KIRREL3: variants seen among roughly 807,000 people sequenced by gnomAD.
The protein encoded by KIRREL3 is kin of IRRE-like protein 3.
A neutral mutation model predicts 89.7 loss-of-function variants in KIRREL3; 36 were observed. That is an observed-to-expected ratio of 0.40 (90% confidence interval 0.31 to 0.53). The LOEUF is 0.53. Ranked by LOEUF, KIRREL3 falls within the 20% of genes least tolerant of loss-of-function variation. The pLI is 0.49. For missense variants in KIRREL3, 864 were observed against 1,056.6 expected (o/e 0.82, Z 2.53); for synonymous variants, 445 against 441.4 (o/e 1.01, Z -0.10).
At chr11:126,559,829 C>T (rs1200152850) in intron 2 of KIRREL3, among the ~76,000 whole-genome samples, 2 of 151,426 alleles carry the variant, frequency 1.3e-5, no homozygotes, top group Non-Finnish European at 3.0e-5. Context: ...ACCACCAACC[C>T]TGGCTGATTA....
At chr11:126,449,231 C>G in intron 7 of KIRREL3, 74 bp from the exon 8 acceptor site, 2 of 1,544,792 alleles carry the variant, frequency 1.3e-6, no homozygotes, top group East Asian at 2.3e-5. Context: ...ACACATCCAT[C>G]CCATGGAAAA....
rs953639663 is a variant in KIRREL3, at chr11:126,576,986, A to T, written c.56-14074T>A. On this transcript the variant is annotated intron_variant, in intron 1 of 16. Transcript: ENST00000525144. The surrounding 1 kb of genome is among the most constrained non-coding windows in gnomAD (Gnocchi z 5.4). ...CTCATATGAGAAAACTGAGGCTGAG[A>T]GAGGCTCAAGGGCTCCCATAACTGA... Among the ~76,000 whole-genome samples, 3 of 152,138 alleles carry T rather than the reference A, an allele frequency of 2.0e-5. No homozygotes were observed. The highest frequency in any genetic ancestry group is 4.4e-5 in the Non-Finnish European group (3 of 68,022).
chr11:126,809,771 C>T (rs1017270909), intron 1 of KIRREL3, among the ~76,000 whole-genome samples: 1 of 152,148 alleles, frequency 6.6e-6, no homozygotes, highest in South Asian at 2.1e-4. Context: ...TCTCCAAGAT[C>T]TACATGGCCA....
At chr11:126,445,599 G>A (rs947502212) in intron 9 of KIRREL3, among the ~76,000 whole-genome samples, 1 of 152,228 alleles carries the variant, frequency 6.6e-6, no homozygotes, top group African/African-American at 2.4e-5. Flanking sequence ...GCTCTGGCAT[G>A]AGCTTGGTCT....
Position 126,647,222 on chromosome 11 carries a change from A to T in KIRREL3, c.56-84310T>A, listed in dbSNP as rs1944724162. Among the ~76,000 whole-genome samples, 1 of 152,220 alleles carries T rather than the reference A, an allele frequency of 6.6e-6. No individual in the cohort carries two copies. The highest frequency in any genetic ancestry group is 1.5e-5 in the Non-Finnish European group (1 of 68,042). ...CCCCTGCTACTCTGCCAGGAGCTAT[A>T]GAAAGAAAAATCTCCAAGCCCCAGT... is the stretch of plus-strand genomic sequence containing the variant. On this transcript the variant is annotated intron_variant, in intron 1 of 16. Transcript: ENST00000525144. This position sits in a 1 kb window ranked among gnomAD's most constrained non-coding sequence, Gnocchi z 4.9.
intron 1 of KIRREL3, among the ~76,000 whole-genome samples, chr11:126,673,529 G>A (rs1214737031): frequency 4.6e-5 from 7 of 152,168 alleles, no homozygotes; most frequent in African/African-American, 1.7e-4. Context: ...CTAAAGGCAA[G>A]GAATTCATAA....
chr11:127,002,237 T>C (rs1640822148), upstream of KIRREL3, among the ~76,000 whole-genome samples: 2 of 151,598 alleles, frequency 1.3e-5, no homozygotes, highest in African/African-American at 2.4e-5. Flanking sequence ...AATTAGTAGG[T>C]GTCTGCTTTG....
chr11:126,840,715 A>C (rs989237357), intron 1 of KIRREL3, among the ~76,000 whole-genome samples: 1 of 152,182 alleles, frequency 6.6e-6, no homozygotes, highest in Admixed American at 6.5e-5. Flanking sequence ...CCCTCTGTGC[A>C]ATTTCTCCAG....
At chr11:126,801,998 G>A (rs1951051191) in intron 1 of KIRREL3, among the ~76,000 whole-genome samples, 1 of 152,110 alleles carries the variant, frequency 6.6e-6, no homozygotes, top group South Asian at 2.1e-4. Flanking sequence ...TCACCTCACT[G>A]TCTCCAAACA....
In KIRREL3 at chr11:126,883,218, T is replaced by C. The variant is rs1209466969; in HGVS notation, c.55+117237A>G. ...GAGACAGGAGGATCATCATCTGCTA[T>C]AGAGAGTTCTTGAGAAGCCAGGAAT... On this transcript the variant is annotated intron_variant, in intron 1 of 16. Transcript: ENST00000525144. The surrounding 1 kb of genome is among the most constrained non-coding windows in gnomAD (Gnocchi z 4.1). 1.3e-5 allele frequency among the ~76,000 whole-genome samples: 2 copies of C among 152,150 alleles called. No homozygotes were observed. Among genetic ancestry groups the C allele is most frequent in the African/African-American group, 4.8e-5 (2 of 41,444 alleles).
Position 126,843,509 on chromosome 11 carries a change from C to A in KIRREL3, c.55+156946G>T, listed in dbSNP as rs1447375075. Among the ~76,000 whole-genome samples, 1 of 152,152 alleles carries A rather than the reference C, an allele frequency of 6.6e-6. No homozygotes were observed. The highest frequency in any genetic ancestry group is 2.4e-5 in the African/African-American group (1 of 41,424). ...CCCAGTCTCGTCCCACAGAGACTTC[C>A]AGCCTAGTCAGCTATGCAATCAAAC... On this transcript the variant is annotated intron_variant, in intron 1 of 16. Transcript: ENST00000525144. This position sits in a 1 kb window ranked among gnomAD's most constrained non-coding sequence, Gnocchi z 4.6.
At chr11:126,426,507 G>T (rs1209526421) in intron 15 of KIRREL3, among the ~76,000 whole-genome samples, 2 of 152,162 alleles carry the variant, frequency 1.3e-5, no homozygotes, top group African/African-American at 4.8e-5. Context: ...GCTTCAAATG[G>T]TATGTATATG....
chr11:126,626,713 C>T (rs557576269), intron 1 of KIRREL3, among the ~76,000 whole-genome samples: 2 of 152,180 alleles, frequency 1.3e-5, no homozygotes, highest in Non-Finnish European at 2.9e-5. Context: ...ACAGTTTTGG[C>T]TGGGCGCGGT....
In KIRREL3 at chr11:126,623,063, C is replaced by T. The variant is rs182524087; in HGVS notation, c.56-60151G>A. 1.8e-4 allele frequency among the ~76,000 whole-genome samples: 28 copies of T among 152,236 alleles called. No homozygotes were observed. The East Asian group carries it at 4.6e-3, about 25-fold the overall frequency. On this transcript the variant is annotated intron_variant, in intron 1 of 16. Coordinates refer to ENST00000525144, the MANE Select transcript of KIRREL3 (RefSeq NM_032531.4). This position sits in a 1 kb window ranked among gnomAD's most constrained non-coding sequence, Gnocchi z 4.1. The stretch of plus-strand genomic sequence containing the variant: ...ACACTAATATGATATTTACAATTTA[C>T]AAAGCGTTATCCACTAGTTATCTCA...
intron 1 of KIRREL3, among the ~76,000 whole-genome samples, chr11:126,725,421 T>C (rs867997429): frequency 6.6e-6 from 1 of 152,192 alleles, no homozygotes; most frequent in Admixed American, 6.5e-5. Context: ...GAAGCAGTCA[T>C]GGTTTGGAAA....
rs1360224198 is a variant in KIRREL3, at chr11:126,807,228, A to T, written c.55+193227T>A. 6.6e-6 allele frequency among the ~76,000 whole-genome samples: 1 copy of T among 152,226 alleles called. No individual in the cohort carries two copies. Among genetic ancestry groups the T allele is most frequent in the Non-Finnish European group, 1.5e-5 (1 of 68,034 alleles). The stretch of plus-strand genomic sequence containing the variant: ...TAACATTTTATTTTCTCTGACTCCC[A>T]CTGATAAAATCCTATACTTCTAACA... On this transcript the variant is annotated intron_variant, in intron 1 of 16. Coordinates refer to ENST00000525144, the MANE Select transcript of KIRREL3 (RefSeq NM_032531.4). This position sits in a 1 kb window ranked among gnomAD's most constrained non-coding sequence, Gnocchi z 4.3.
At chr11:126,781,632 CATTT>C (rs1182248385) in intron 1 of KIRREL3, among the ~76,000 whole-genome samples, 1 of 152,168 alleles carries the variant, frequency 6.6e-6, no homozygotes, top group Admixed American at 6.5e-5. Context: ...CTATTAAAAA[CATTT>C]ATTCTCTTAC....
At chr11:126,679,214 C>G (rs79525026) in intron 1 of KIRREL3, among the ~76,000 whole-genome samples, 12,505 of 152,180 alleles carry the variant, frequency 0.082, 653 homozygotes, top group Middle Eastern at 0.18. Flanking sequence ...CCAGGGAGAG[C>G]CTAGGTTCAT....
chr11:126,941,356 T>A (rs1016363056), intron 1 of KIRREL3, among the ~76,000 whole-genome samples: 7 of 152,194 alleles, frequency 4.6e-5, no homozygotes, highest in Non-Finnish European at 1.0e-4. Flanking sequence ...GTTAGAGCCT[T>A]CTCTGTAGTG....
Sources: gnomAD v4.1 joint callset for allele counts (sites outside exome capture counted in the v4.1 genomes callset) on GRCh38, gnomAD v4.1.1 for gene constraint, Gnocchi (gnomAD v3.1) non-coding constraint, MANE v1.5 for transcripts, NCBI Gene and HGNC (gene_info 2026-07-23, HGNC 2026-07-21) for gene names.